Variants in BBX observed in about 807,000 individuals in gnomAD.
BBX encodes HMG box transcription factor BBX.
In BBX, 30 loss-of-function variants were observed where a neutral mutation model predicts 100.2. The ratio of observed to expected loss-of-function variants is 0.30; its 90% CI spans 0.22 to 0.41. The LOEUF (loss-of-function observed/expected upper bound fraction) is 0.41, where lower values mean the gene tolerates loss of function less well. Among genes scored for constraint, BBX ranks in the 10% least tolerant of loss-of-function variants. BBX has a pLI of 1.00. For missense variants in BBX, 1,023 were observed against 1,129.8 expected (o/e 0.91, Z 1.35); for synonymous variants, 376 against 388.1 (o/e 0.97, Z 0.37).
At chr3:107,560,916 T>G (rs1439143152) in intron 2 of BBX, among the ~76,000 whole-genome samples, 1 of 152,216 alleles carries the variant, frequency 6.6e-6, no homozygotes, top group Admixed American at 6.5e-5. Context: ...AGGGAGAGAC[T>G]GGATCTTCCT....
intron 5 of BBX, among the ~76,000 whole-genome samples, chr3:107,717,382 C>T (rs1344257516): frequency 6.6e-6 from 1 of 151,222 alleles, no homozygotes; most frequent in Non-Finnish European, 1.5e-5. Context: ...ATCTCAGCTT[C>T]TTTTTTTTTC....
chr3:107,795,271 G>A (rs749661610), intron 15 of BBX, among the ~76,000 whole-genome samples: 14 of 152,102 alleles, frequency 9.2e-5, no homozygotes, highest in Non-Finnish European at 1.6e-4. Context: ...CAGATCTACT[G>A]TTTTGTTCCA....
chr3:107,784,229 T>C (rs1334742252), intron 13 of BBX, among the ~76,000 whole-genome samples: 1 of 151,664 alleles, frequency 6.6e-6, no homozygotes, highest in African/African-American at 2.4e-5. Context: ...AGACGTACAG[T>C]GGAAAAAGAA....
At chr3:107,602,759 A>G (rs1309082088) in intron 2 of BBX, among the ~76,000 whole-genome samples, 1 of 152,250 alleles carries the variant, frequency 6.6e-6, no homozygotes, top group African/African-American at 2.4e-5. Flanking sequence ...TAGTCTTACA[A>G]TGGATACTTG....
intron 15 of BBX, among the ~76,000 whole-genome samples, chr3:107,795,613 C>CTTTTTTTTTT (rs1158136233): frequency 5.0e-5 from 3 of 60,034 alleles, no homozygotes; most frequent in Non-Finnish European, 6.1e-5. Context: ...CCGACGTAGT[C>CTTTTTTTTTT]TTTTTTTTTT....
At chr3:107,789,126 A>AC (rs1442989822) in intron 13 of BBX, among the ~76,000 whole-genome samples, 3 of 152,054 alleles carry the variant, frequency 2.0e-5, no homozygotes, top group African/African-American at 7.2e-5. Flanking sequence ...GAGAGATGCC[A>AC]CCGGGGCTTT....
At chr3:107,571,765 G>A (rs1011763614) in intron 2 of BBX, among the ~76,000 whole-genome samples, 1 of 152,220 alleles carries the variant, frequency 6.6e-6, no homozygotes, top group African/African-American at 2.4e-5. Context: ...TGAGCAACAA[G>A]GCTGTTTATT....
chr3:107,742,283 A>G (rs1455970900), intron 7 of BBX, among the ~76,000 whole-genome samples: 2 of 148,324 alleles, frequency 1.3e-5, no homozygotes, highest in African/African-American at 2.5e-5. Context: ...TGCTGCTGGC[A>G]TTGTTTCTTT....
chr3:107,765,836 G>T (rs551567361), intron 10 of BBX, among the ~76,000 whole-genome samples: 3 of 152,242 alleles, frequency 2.0e-5, no homozygotes, highest in Non-Finnish European at 4.4e-5. Context: ...TCTTATAAAT[G>T]TTACTACATT....
intron 2 of BBX, among the ~76,000 whole-genome samples, chr3:107,600,550 A>G (rs2053990001): frequency 6.6e-6 from 1 of 152,210 alleles, no homozygotes; most frequent in Admixed American, 6.5e-5. Context: ...AGGTGCTGGC[A>G]CTGTTCTTTT....
chr3:107,727,938 A>G (rs2063074748), intron 5 of BBX, among the ~76,000 whole-genome samples: 1 of 152,204 alleles, frequency 6.6e-6, no homozygotes, highest in African/African-American at 2.4e-5. Flanking sequence ...ACTTTTGGAA[A>G]TATGTAACGA....
chr3:107,690,119 A>T (rs923142344), intron 3 of BBX, among the ~76,000 whole-genome samples: 2 of 152,218 alleles, frequency 1.3e-5, no homozygotes, highest in Non-Finnish European at 2.9e-5. Flanking sequence ...AATGAAATGT[A>T]CTCAAGTTGT....
At chr3:107,778,590 T>C (rs1363736458) in intron 13 of BBX, 71 bp downstream of exon 13, 51 of 1,520,420 alleles carry the variant, frequency 3.4e-5, no homozygotes, top group African/African-American at 4.2e-5. Flanking sequence ...AGCTTTTAGC[T>C]CCCTTTAGAC....
intron 3 of BBX, among the ~76,000 whole-genome samples, chr3:107,685,337 G>A (rs967261113): frequency 2.6e-5 from 4 of 152,122 alleles, no homozygotes; most frequent in Non-Finnish European, 5.9e-5. Context: ...CAGGTGTTTG[G>A]TATAACGAAT....
chr3:107,601,092 G>C (rs1163678421), intron 2 of BBX, among the ~76,000 whole-genome samples: 1 of 152,104 alleles, frequency 6.6e-6, no homozygotes, highest in African/African-American at 2.4e-5. Flanking sequence ...GCTCTTTGTT[G>C]TTACTATTGT....
At chr3:107,576,209 C>T (rs1179322436) in intron 2 of BBX, among the ~76,000 whole-genome samples, 1 of 152,286 alleles carries the variant, frequency 6.6e-6, no homozygotes, top group Non-Finnish European at 1.5e-5. Context: ...GAAACTGGGG[C>T]TCAGTCAATA....
chr3:107,704,375 T>C (rs753340974), intron 3 of BBX, among the ~76,000 whole-genome samples: 2 of 152,200 alleles, frequency 1.3e-5, no homozygotes, highest in African/African-American at 4.8e-5. Context: ...AAGGTAGTGA[T>C]GGCACCTGCA....
rs1379582226 is a variant in BBX, at chr3:107,744,715, T to A, written c.750+5T>A. On this transcript the variant is annotated splice_donor_5th_base_variant and intron_variant, in intron 8 of 17. Coordinates refer to ENST00000325805, the MANE Select transcript of BBX (RefSeq NM_001142568.3). ...CCATTGTTTCAGTTTGCCGAGGTAA[T>A]ATATTACAATTGATACTTAACTAAT... 4 of 1,607,198 alleles carry A rather than the reference T, an allele frequency of 2.5e-6. No individual in the cohort carries two copies. The highest frequency in any genetic ancestry group is 3.4e-6 in the Non-Finnish European group (4 of 1,174,036).
chr3:107,716,375 C>T, intron 4 of BBX: 3 of 508,276 alleles, frequency 5.9e-6, no homozygotes, highest in East Asian at 6.9e-5. Flanking sequence ...GTAATATATG[C>T]TGTAATAGAG....
Sources: allele counts gnomAD v4.1 joint callset (sites outside exome capture counted in the v4.1 genomes callset), GRCh38; gene constraint gnomAD v4.1.1; transcripts MANE v1.5; gene names NCBI Gene and HGNC (gene_info 2026-07-23, HGNC 2026-07-21).